The following RABL3 variants were observed in gnomAD, a reference collection of about 807,000 sequenced individuals.
RABL3 encodes the protein rab-like protein 3.
Under a neutral mutation model 31.8 loss-of-function variants are expected in RABL3, and 31 were observed. The ratio of observed to expected loss-of-function variants is 0.97; its 90% confidence interval spans 0.73 to 1.31. RABL3 has a LOEUF of 1.31. RABL3 is among the 40% of genes most tolerant of loss of function. RABL3 has a pLI of 0.00. For synonymous variants in RABL3, 97 were observed against 99.9 expected (o/e 0.97, Z 0.18); for missense variants, 263 against 279.6 (o/e 0.94, Z 0.42).
At chr3:120,736,785 T>C (rs1449581461) in intron 1 of RABL3, among the ~76,000 whole-genome samples, 1 of 151,958 alleles carries the variant, frequency 6.6e-6, no homozygotes, top group Non-Finnish European at 1.5e-5. Context: ...TTCTCCTTCA[T>C]TTATGAAGCT....
At chr3:120,693,127 T>A (rs1163093558) in intron 6 of RABL3, among the ~76,000 whole-genome samples, 2 of 136,698 alleles carry the variant, frequency 1.5e-5, no homozygotes, top group African/African-American at 5.3e-5. Flanking sequence ...CCCTGGCTGC[T>A]CTGAGAACTG....
chr3:120,690,972 G>T (rs558339438), intron 6 of RABL3, among the ~76,000 whole-genome samples: 36 of 152,204 alleles, frequency 2.4e-4, no homozygotes, highest in African/African-American at 8.4e-4. Flanking sequence ...CCTCAATATA[G>T]ACAGATGACA....
chr3:120,742,403 G>C, intron 1 of RABL3, 59 bp downstream of exon 1: 7 of 1,516,602 alleles, frequency 4.6e-6, no homozygotes, highest in Middle Eastern at 3.4e-4. Flanking sequence ...AAGCTAAGGG[G>C]AGGGTTACTG....
At chr3:120,699,381 T>C (rs1708471139) in intron 4 of RABL3, among the ~76,000 whole-genome samples, 1 of 152,178 alleles carries the variant, frequency 6.6e-6, no homozygotes, top group South Asian at 2.1e-4. Flanking sequence ...AAAATTTATT[T>C]ATCCAAAGAA....
At chr3:120,735,522 G>C (rs192199105) in intron 1 of RABL3, among the ~76,000 whole-genome samples, 10,974 of 151,994 alleles carry the variant, frequency 0.072, 1,322 homozygotes, top group East Asian at 0.47. Context: ...TTTTTTGAAG[G>C]GTTTTTTGTG....
chr3:120,737,900 C>T (rs1034778004), intron 1 of RABL3, among the ~76,000 whole-genome samples: 8 of 152,166 alleles, frequency 5.3e-5, no homozygotes, highest in South Asian at 2.1e-4. Flanking sequence ...TTTTTCTCAG[C>T]GGGGTACTGG....
chr3:120,697,426 G>GTT (rs1449327561), intron 5 of RABL3, among the ~76,000 whole-genome samples: 1 of 152,184 alleles, frequency 6.6e-6, no homozygotes, highest in African/African-American at 2.4e-5. Flanking sequence ...TTTTCAACCC[G>GTT]TAAGTGCTCA....
At chr3:120,733,191 C>T (rs13067552) in intron 1 of RABL3, among the ~76,000 whole-genome samples, 634 of 152,194 alleles carry the variant, frequency 4.2e-3, no homozygotes, top group Non-Finnish European at 5.9e-3. Context: ...AGTGTAGAAG[C>T]GTTCCTATTT....
rs894828840 is a variant in RABL3 at position 120,724,350 on chromosome 3, A to G, written c.138+6346T>C. ...CCATGCTCATGGGTAGGCAGAATCAATATCATGAAAATGGCCATACTGCCC... is the reference window on the plus strand; with the variant it reads ...CCATGCTCATGGGTAGGCAGAATCAGTATCATGAAAATGGCCATACTGCCC... On this transcript the variant is annotated intron_variant, in intron 2 of 7. Transcript: ENST00000273375. Among the ~76,000 whole-genome samples the G allele has an allele frequency of 6.6e-5, 10 of 152,236 alleles. No homozygotes were observed. The East Asian group carries it at 1.3e-3, about 20-fold the overall frequency.
chr3:120,704,444 A>C (rs1708525980), intron 4 of RABL3, among the ~76,000 whole-genome samples: 2 of 152,178 alleles, frequency 1.3e-5, no homozygotes, highest in South Asian at 4.1e-4. Flanking sequence ...TGATGTCAAC[A>C]AAAAAAACCT....
At chr3:120,732,092 T>C (rs1434624073) in intron 1 of RABL3, among the ~76,000 whole-genome samples, 1 of 152,122 alleles carries the variant, frequency 6.6e-6, no homozygotes, top group African/African-American at 2.4e-5. Flanking sequence ...ACTGTCAACA[T>C]GAAGGTTTAT....
At chr3:120,738,251 C>T (rs1708996855) in intron 1 of RABL3, among the ~76,000 whole-genome samples, 1 of 152,240 alleles carries the variant, frequency 6.6e-6, no homozygotes. Context: ...AGATCTCAGA[C>T]TGCTGTGCTA....
At chr3:120,718,234 T>A (rs1246004943) in intron 2 of RABL3, among the ~76,000 whole-genome samples, 2 of 152,194 alleles carry the variant, frequency 1.3e-5, no homozygotes, top group Admixed American at 6.5e-5. Flanking sequence ...CCTTATGTCC[T>A]CTCAGATAGA....
intron 6 of RABL3, among the ~76,000 whole-genome samples, chr3:120,692,647 G>A (rs1179096207): frequency 6.6e-6 from 1 of 152,120 alleles, no homozygotes; most frequent in Non-Finnish European, 1.5e-5. Context: ...TTGTGATTCA[G>A]GCAATAAAAG....
Position 120,686,134 on chromosome 3 carries a change from T to C in RABL3, c.*3689A>G, listed in dbSNP as rs1708305057. Among the ~76,000 whole-genome samples the C allele has an allele frequency of 6.6e-6, 1 of 152,192 alleles. No homozygotes were observed. The highest frequency in any genetic ancestry group is 2.1e-4 in the South Asian group (1 of 4,826). ...GTTAGACTTCCTGCGACCCTTCCTC[T>C]CCCACCACAGTGATTTAGCTCAGTC... On this transcript the variant is annotated 3_prime_UTR_variant, in exon 8 of 8. Coordinates refer to ENST00000273375, the MANE Select transcript of RABL3 (RefSeq NM_173825.5).
intron 4 of RABL3, 59 bp downstream of exon 4, chr3:120,705,941 A>T: frequency 2.1e-6 from 2 of 967,322 alleles, no homozygotes; most frequent in South Asian, 1.3e-5. Context: ...AGTGTTATTC[A>T]GGGAAGTACA....
chr3:120,723,193 T>C (rs1430526754), intron 2 of RABL3, among the ~76,000 whole-genome samples: 16 of 151,898 alleles, frequency 1.1e-4, no homozygotes, highest in Non-Finnish European at 2.4e-4. Flanking sequence ...AACTAGAAAA[T>C]CTAGAAGAAA....
At position 120,686,707 on chromosome 3, in the gene RABL3, T is replaced by A. The variant is rs1708311690; in HGVS notation, c.*3116A>T. On this transcript the variant is annotated 3_prime_UTR_variant, in exon 8 of 8. Transcript: ENST00000273375. Reference sequence around the variant, plus strand: ...TATTGAGAAAAGCACACACATTTATTTACTGTAAGTTTTACATGACAGGAA... The same window carrying A: ...TATTGAGAAAAGCACACACATTTATATACTGTAAGTTTTACATGACAGGAA... 6.6e-6 allele frequency: 1 copy of A among 152,228 alleles called. No homozygotes were observed. The highest frequency in any genetic ancestry group is 2.4e-5 in the African/African-American group (1 of 41,452). 9.4% of individuals were successfully genotyped at this position (152,228 alleles called of 1,614,324 possible). A position where few individuals can be genotyped will look rare whatever the true frequency, so the allele number is the denominator to read the frequency against.
In RABL3 at chr3:120,687,187, C is replaced by G. The variant is rs1002512038; in HGVS notation, c.*2636G>C. The G allele has an allele frequency of 6.6e-6, 1 of 152,032 alleles. No homozygotes were observed. Among genetic ancestry groups the G allele is most frequent in the African/African-American group, 2.4e-5 (1 of 41,366 alleles). 9.4% of individuals were successfully genotyped at this position (152,032 alleles called of 1,614,324 possible). A position where few individuals can be genotyped will look rare whatever the true frequency, so the allele number is the denominator to read the frequency against. Reference sequence around the variant, plus strand: ...TCATATATATGCCTTCATATCTGGTCACCTTCACAATGAGTCAGAAAATTG... The same window carrying G: ...TCATATATATGCCTTCATATCTGGTGACCTTCACAATGAGTCAGAAAATTG... On this transcript the variant is annotated 3_prime_UTR_variant, in exon 8 of 8. Coordinates refer to ENST00000273375, the MANE Select transcript of RABL3 (RefSeq NM_173825.5).
Sources: gnomAD v4.1 joint callset for allele counts (sites outside exome capture counted in the v4.1 genomes callset) on GRCh38, gnomAD v4.1.1 for gene constraint, MANE v1.5 for transcripts, NCBI Gene and HGNC (gene_info 2026-07-23, HGNC 2026-07-21) for gene names.